The following CSMD1 variants were observed in gnomAD, a reference collection of about 807,000 sequenced individuals.
CSMD1 encodes CUB and Sushi multiple domains 1.
CSMD1 carries 213 observed loss-of-function variants against 417.5 expected under a neutral mutation model. The ratio of observed to expected loss-of-function variants is 0.51; its 90% CI spans 0.46 to 0.57. The LOEUF (loss-of-function observed/expected upper bound fraction) is 0.57. Ranked by LOEUF, CSMD1 falls within the 20% of genes least tolerant of loss-of-function variation. The probability of loss-of-function intolerance (pLI) is 0.00; values close to 1 mark genes in which losing one functional copy is unlikely to be tolerated. For synonymous variants in CSMD1, 2,862 were observed against 1,736.8 expected, an observed-to-expected ratio of 1.65 and a Z score of -16.11; for missense variants, 6,923 against 4,529.7, an observed-to-expected ratio of 1.53 and a Z score of -15.17.
chr8:4,877,603 TCA>T (rs1160052406), intron 1 of CSMD1, among the ~76,000 whole-genome samples: 1 of 152,070 alleles, frequency 6.6e-6, no homozygotes, highest in Non-Finnish European at 1.5e-5. Context: ...TTCTCCCATC[TCA>T]CTTTCCTAAT....
chr8:4,432,236 A>G (rs951486135), intron 2 of CSMD1, among the ~76,000 whole-genome samples: 2 of 152,220 alleles, frequency 1.3e-5, no homozygotes, highest in African/African-American at 2.4e-5. Flanking sequence ...GGGTTATGAG[A>G]AAACAGTAAA....
intron 2 of CSMD1, among the ~76,000 whole-genome samples, chr8:4,531,723 C>T (rs1157190009): frequency 6.6e-6 from 1 of 152,184 alleles, no homozygotes; most frequent in Non-Finnish European, 1.5e-5. Context: ...CTTTGAGATA[C>T]AATTCCCATA....
rs145409957 is a variant in CSMD1 at position 3,629,774 on chromosome 8, C to G, written c.1010-12977G>C. Reference sequence around the variant, plus strand: ...ACACACACCTTTCATTTCAAAAAGACAGATTACTTGCACAGTATAAGGAAA... The same window carrying G: ...ACACACACCTTTCATTTCAAAAAGAGAGATTACTTGCACAGTATAAGGAAA... On this transcript the variant is annotated intron_variant, in intron 7 of 69. Coordinates refer to ENST00000635120, the MANE Select transcript of CSMD1 (RefSeq NM_033225.6). Among the ~76,000 whole-genome samples the G allele has an allele frequency of 1.3e-4, 20 of 152,288 alleles. No homozygotes were observed. The East Asian group carries it at 3.3e-3, about 25-fold the overall frequency.
At chr8:4,070,669 ACT>A (rs2130777745) in intron 3 of CSMD1, among the ~76,000 whole-genome samples, 1 of 151,322 alleles carries the variant, frequency 6.6e-6, no homozygotes, top group South Asian at 2.1e-4. Context: ...CACCTATAAC[ACT>A]CTCTATTCGT....
chr8:4,022,179 T>G (rs1796822044), intron 4 of CSMD1, among the ~76,000 whole-genome samples: 1 of 102,326 alleles, frequency 9.8e-6, no homozygotes, highest in Admixed American at 1.0e-4. Flanking sequence ...TATGTATATT[T>G]ATGTGTATAT....
intron 3 of CSMD1, among the ~76,000 whole-genome samples, chr8:4,416,081 T>C (rs963575894): frequency 2.0e-5 from 3 of 152,224 alleles, no homozygotes; most frequent in Non-Finnish European, 1.5e-5. Flanking sequence ...AATAAAGTCT[T>C]TGCCAATTGT....
intron 26 of CSMD1, among the ~76,000 whole-genome samples, chr8:3,231,340 C>G (rs1540508): frequency 0.087 from 13,243 of 152,086 alleles, 757 homozygotes; most frequent in Admixed American, 0.15. Flanking sequence ...AAGTACTTCA[C>G]TGTTTTCAAC....
In CSMD1 at chr8:4,530,314, C is replaced by CTTTT. The variant is rs759268228; in HGVS notation, c.302+107024_302+107027dup. 1.4e-3 allele frequency among the ~76,000 whole-genome samples: 64 copies of CTTTT among 46,660 alleles called. 8 individuals are homozygous for CTTTT. The highest frequency in any genetic ancestry group is 5.2e-3 in the East Asian group (7 of 1,352). 30.6% of individuals were successfully genotyped at this position (46,660 alleles called of 152,430 possible). On this transcript the variant is annotated intron_variant, in intron 2 of 69. Coordinates refer to ENST00000635120, the MANE Select transcript of CSMD1 (RefSeq NM_033225.6). ...TTCACAGTTTATCGTACAGGTAGTG[C>CTTTT]TTTTTTTTTTTTTTTTTTTTTTTTT...
At chr8:4,670,579 C>T (rs564917077) in intron 1 of CSMD1, among the ~76,000 whole-genome samples, 1 of 152,270 alleles carries the variant, frequency 6.6e-6, no homozygotes, top group South Asian at 2.1e-4. Flanking sequence ...AAATAAAGCA[C>T]ATCTTTGCTA....
intron 3 of CSMD1, among the ~76,000 whole-genome samples, chr8:4,127,848 T>C (rs1334795741): frequency 3.3e-5 from 5 of 152,170 alleles, no homozygotes; most frequent in Admixed American, 2.0e-4. Context: ...TGTTACTGTT[T>C]TGCAGATGAA....
intron 26 of CSMD1, among the ~76,000 whole-genome samples, chr8:3,235,916 G>GATTTTTTT (rs1799123255): frequency 8.4e-6 from 1 of 119,378 alleles, no homozygotes. Context: ...GAAGATGTAA[G>GATTTTTTT]TTTTTTTTTT....
At chr8:4,016,418 C>G (rs1435597084) in intron 4 of CSMD1, among the ~76,000 whole-genome samples, 2 of 152,290 alleles carry the variant, frequency 1.3e-5, no homozygotes, top group African/African-American at 2.4e-5. Flanking sequence ...ATGCATGACC[C>G]TGCAGCTGCA....
intron 8 of CSMD1, among the ~76,000 whole-genome samples, chr8:3,607,415 G>C (rs1230622554): frequency 6.6e-6 from 1 of 152,200 alleles, no homozygotes; most frequent in African/African-American, 2.4e-5. Flanking sequence ...TAAAATAACA[G>C]TAGAAAGTAT....
chr8:3,045,106 T>G (rs1037750486), intron 50 of CSMD1, among the ~76,000 whole-genome samples: 6 of 152,200 alleles, frequency 3.9e-5, no homozygotes, highest in Admixed American at 6.5e-5. Context: ...TTTACAAACT[T>G]TAAAGAACGA....
At chr8:4,460,698 C>G (rs554970803) in intron 2 of CSMD1, among the ~76,000 whole-genome samples, 1 of 152,142 alleles carries the variant, frequency 6.6e-6, no homozygotes, top group East Asian at 1.9e-4. Flanking sequence ...TGGTAGTCAA[C>G]AAACTGGATG....
chr8:4,890,214 T>C (rs2028234), intron 1 of CSMD1, among the ~76,000 whole-genome samples: 130,115 of 152,044 alleles, frequency 0.86, 56,006 homozygotes, highest in East Asian at 0.97. Flanking sequence ...CACTTGATCT[T>C]GGCTCAGGCT....
At chr8:3,598,223 A>C (rs1483807526) in intron 8 of CSMD1, 2 of 152,178 alleles carry the variant, frequency 1.3e-5, no homozygotes, top group Non-Finnish European at 2.9e-5. Context: ...GTTAATGCTA[A>C]AATTATACTG....
At position 4,018,261 on chromosome 8, in the gene CSMD1, T is replaced by C. The variant is rs1213295219; in HGVS notation, c.610+13644A>G. On this transcript the variant is annotated intron_variant, in intron 4 of 69. Coordinates refer to ENST00000635120, the MANE Select transcript of CSMD1 (RefSeq NM_033225.6). ...TTTTTATGATTTAAACATTTGGTAT[T>C]ATGGTGTTTGAGAGTCTATCTTTTG... is the stretch of plus-strand genomic sequence containing the variant. Among the ~76,000 whole-genome samples, 3 of 152,184 alleles carry C rather than the reference T, an allele frequency of 2.0e-5. No individual in the cohort carries two copies. In the East Asian group the frequency reaches 5.8e-4, roughly 29 times the overall value.
intron 2 of CSMD1, among the ~76,000 whole-genome samples, chr8:4,632,607 T>C (rs934615305): frequency 1.3e-5 from 2 of 152,122 alleles, no homozygotes; most frequent in Non-Finnish European, 2.9e-5. Context: ...GATTATGTTC[T>C]ATTAGACATC....
Sources: gnomAD v4.1 joint callset for allele counts (sites outside exome capture counted in the v4.1 genomes callset) on GRCh38, gnomAD v4.1.1 for gene constraint, MANE v1.5 for transcripts, NCBI Gene and HGNC (gene_info 2026-07-23, HGNC 2026-07-21) for gene names.